The following TRIML2 variants were observed in gnomAD, a reference collection of about 807,000 sequenced individuals.
TRIML2 encodes probable E3 ubiquitin-protein ligase TRIML2.
TRIML2 carries 28 observed loss-of-function variants against 31.2 expected under a neutral mutation model. The observed-to-expected ratio is 0.90, with a 90% CI of 0.66 to 1.23. The LOEUF (loss-of-function observed/expected upper bound fraction) is 1.23. Ranked by LOEUF, TRIML2 falls within the 50% of genes most tolerant of loss-of-function variation. TRIML2 has a pLI of 0.00. For synonymous variants in TRIML2, 187 were observed against 197.5 expected (o/e 0.95, Z 0.45); for missense variants, 536 against 528.3 (o/e 1.01, Z -0.14).
In TRIML2 at chr4:188,091,355, G is replaced by A. The variant is rs1265580214; in HGVS notation, c.*18C>T. On this transcript the variant is annotated 3_prime_UTR_variant, in exon 8 of 8. Coordinates refer to ENST00000682553, the MANE Select transcript of TRIML2 (RefSeq NM_173553.4). ...AACTTTCTGGTGTCTCGTGGTCTTG[G>A]ATTTTACACACAGAAGATTAAGGGC... is the stretch of plus-strand genomic sequence containing the variant. The A allele has an allele frequency of 6.3e-7, 1 of 1,598,688 alleles. No homozygotes were observed. Among genetic ancestry groups the A allele is most frequent in the East Asian group, 2.2e-5 (1 of 44,554 alleles).
At chr4:188,096,611 C>G (rs1443486623) in intron 7 of TRIML2, among the ~76,000 whole-genome samples, 2 of 142,776 alleles carry the variant, frequency 1.4e-5, no homozygotes, top group African/African-American at 5.1e-5. Context: ...TTTTTTTGAT[C>G]CTTATCTAAT....
intron 5 of TRIML2, 52 bp downstream of exon 5, chr4:188,098,983 T>C: frequency 6.2e-7 from 1 of 1,605,752 alleles, no homozygotes; most frequent in South Asian, 1.1e-5. Context: ...TGTCCACTTC[T>C]CATTTCTCAA....
At chr4:188,107,474 A>C (rs1375812518) in intron 1 of TRIML2, among the ~76,000 whole-genome samples, 1 of 152,212 alleles carries the variant, frequency 6.6e-6, no homozygotes, top group Non-Finnish European at 1.5e-5. Flanking sequence ...TGGCCTGAAA[A>C]GGCATATTCC....
At chr4:188,107,991 A>C (rs1180911028) in intron 1 of TRIML2, among the ~76,000 whole-genome samples, 1 of 152,160 alleles carries the variant, frequency 6.6e-6, no homozygotes, top group Non-Finnish European at 1.5e-5. Context: ...CAAAACAAAG[A>C]AATTCACCAA....
intron 3 of TRIML2, among the ~76,000 whole-genome samples, chr4:188,102,384 G>C (rs374197012): frequency 1.2e-4 from 19 of 152,210 alleles, no homozygotes; most frequent in South Asian, 8.3e-4. Context: ...CAGAAGTGAG[G>C]AGTGTGCGTT....
At chr4:188,098,045 T>A (rs1157020090) in intron 5 of TRIML2, among the ~76,000 whole-genome samples, 1 of 144,486 alleles carries the variant, frequency 6.9e-6, no homozygotes, top group South Asian at 2.2e-4. Flanking sequence ...TCGCTTGAAC[T>A]GGGGAGGCGG....
chr4:188,102,737 T>C (rs1450266964), intron 3 of TRIML2, among the ~76,000 whole-genome samples: 2 of 150,934 alleles, frequency 1.3e-5, no homozygotes, highest in Non-Finnish European at 2.9e-5. Context: ...TAATGTCAGC[T>C]ACCTGGGAGA....
intron 7 of TRIML2, among the ~76,000 whole-genome samples, chr4:188,094,008 T>C (rs542372250): frequency 4.6e-5 from 7 of 151,680 alleles, no homozygotes; most frequent in Admixed American, 1.3e-4. Context: ...GGAGAATCGT[T>C]TGAATCTGGG....
intron 3 of TRIML2, among the ~76,000 whole-genome samples, chr4:188,102,848 T>C (rs1208416729): frequency 1.7e-5 from 2 of 117,378 alleles, no homozygotes; most frequent in African/African-American, 6.6e-5. Context: ...AAACTTCATC[T>C]CAAAAAAAAA....
intron 7 of TRIML2, among the ~76,000 whole-genome samples, chr4:188,095,215 T>C (rs1477902923): frequency 2.6e-5 from 4 of 152,120 alleles, no homozygotes; most frequent in African/African-American, 9.7e-5. Context: ...TTTGTTGGCT[T>C]TGGCAAAATT....
intron 3 of TRIML2, among the ~76,000 whole-genome samples, chr4:188,103,062 G>A (rs1733871968): frequency 7.1e-6 from 1 of 141,252 alleles, no homozygotes; most frequent in Non-Finnish European, 1.5e-5. Context: ...GCCCAGGCTG[G>A]AGTGCAGTGG....
At chr4:188,098,844 G>T in intron 5 of TRIML2, 191 bp downstream of exon 5, 2 of 613,208 alleles carry the variant, frequency 3.3e-6, no homozygotes, top group Non-Finnish European at 5.5e-6. Context: ...TCATGAAGCA[G>T]CTCCACACTA....
At chr4:188,094,737 A>T (rs1400853249) in intron 7 of TRIML2, among the ~76,000 whole-genome samples, 1 of 152,236 alleles carries the variant, frequency 6.6e-6, no homozygotes, top group Non-Finnish European at 1.5e-5. Context: ...ATGTAATATG[A>T]ATAAAAATCC....
At chr4:188,096,528 CAAA>C (rs10607852) in intron 7 of TRIML2, among the ~76,000 whole-genome samples, 758 of 38,912 alleles carry the variant, frequency 0.019, no homozygotes, top group Non-Finnish European at 0.026. Context: ...AACTCTGTCT[CAAA>C]AAAAAAAAAA....
chr4:188,097,407 G>T, intron 5 of TRIML2, 61 bp from the exon 6 acceptor site: 1 of 1,523,018 alleles, frequency 6.6e-7, no homozygotes, highest in Non-Finnish European at 9.1e-7. Flanking sequence ...TGCAATCTGT[G>T]CCCAGGAAAA....
chr4:188,095,016 T>A (rs1484178096), intron 7 of TRIML2, among the ~76,000 whole-genome samples: 2 of 152,118 alleles, frequency 1.3e-5, no homozygotes, highest in Non-Finnish European at 2.9e-5. Flanking sequence ...GTAAATTGAA[T>A]GGACAAAGGT....
chr4:188,107,815 A>C (rs921213950), intron 1 of TRIML2, among the ~76,000 whole-genome samples: 1 of 152,118 alleles, frequency 6.6e-6, no homozygotes, highest in Non-Finnish European at 1.5e-5. Context: ...TTTAAGAGAG[A>C]GCTATAGATC....
intron 3 of TRIML2, among the ~76,000 whole-genome samples, chr4:188,103,950 A>T (rs968427982): frequency 6.6e-6 from 1 of 152,176 alleles, no homozygotes; most frequent in Non-Finnish European, 1.5e-5. Flanking sequence ...TCCTTTAAAA[A>T]TTGAGGGAGA....
rs535047233 is a variant in TRIML2 at position 188,104,034 on chromosome 4, G to A, written c.285+803C>T. Among the ~76,000 whole-genome samples the A allele has an allele frequency of 4.6e-3, 695 of 152,240 alleles. 8 individuals carry two copies. Among genetic ancestry groups the A allele is most frequent in the Non-Finnish European group, 5.6e-3 (384 of 68,020 alleles). The stretch of plus-strand genomic sequence containing the variant: ...GAAGATACAGGCTGAAATTAGAAGT[G>A]AAATATGCCTAACAGGTGGTGAACC... On this transcript the variant is annotated intron_variant, in intron 3 of 7. Coordinates refer to ENST00000682553, the MANE Select transcript of TRIML2 (RefSeq NM_173553.4).
Sources: gnomAD v4.1 joint callset for allele counts (sites outside exome capture counted in the v4.1 genomes callset) on GRCh38, gnomAD v4.1.1 for gene constraint, MANE v1.5 for transcripts, NCBI Gene and HGNC (gene_info 2026-07-23, HGNC 2026-07-21) for gene names.